MAOA: variants seen among roughly 807,000 people sequenced by gnomAD.
MAOA encodes the protein amine oxidase [flavin-containing] A.
A neutral mutation model predicts 42.0 loss-of-function variants in MAOA; 6 were observed. That is an observed-to-expected ratio of 0.14 (90% CI 0.08 to 0.28). MAOA has a LOEUF of 0.28. Among genes scored for constraint, MAOA ranks in the 10% least tolerant of loss-of-function variants. The pLI, the probability that MAOA is intolerant of heterozygous loss-of-function variation, is 1.00. For synonymous variants in MAOA, 140 were observed against 154.0 expected (o/e 0.91, Z 0.67); for missense variants, 262 against 422.3 (o/e 0.62, Z 3.33).
intron 1 of MAOA, among the ~76,000 whole-genome samples, chrX:43,680,633 G>C (rs759687148): frequency 2.7e-5 from 3 of 110,669 alleles, no homozygotes; most frequent in African/African-American, 9.9e-5. Context: ...TCAAGAGTCA[G>C]ATAACATTTG....
intron 1 of MAOA, among the ~76,000 whole-genome samples, chrX:43,676,064 A>G (rs2033392447): frequency 8.9e-6 from 1 of 112,470 alleles, no homozygotes; most frequent in African/African-American, 3.2e-5. Context: ...CTACAGAGGC[A>G]GGCAGGCCTC....
At chrX:43,722,220 T>C (rs1365257105) in intron 5 of MAOA, among the ~76,000 whole-genome samples, 1 of 112,396 alleles carries the variant, frequency 8.9e-6, no homozygotes, top group Non-Finnish European at 1.9e-5. Context: ...ATGGGATTAC[T>C]GTGTCAAATG....
At chrX:43,721,179 G>A (rs1217005684) in intron 5 of MAOA, among the ~76,000 whole-genome samples, 3 of 111,166 alleles carry the variant, frequency 2.7e-5, no homozygotes, top group Admixed American at 1.9e-4. Flanking sequence ...AGTTCTCAGG[G>A]GAATGGGGAG....
In MAOA at chrX:43,712,810, A is replaced by T. The variant is rs1331612926; in HGVS notation, c.503+14A>T. The T allele has an allele frequency of 1.8e-6, 2 of 1,135,667 alleles. No homozygotes were observed. The highest frequency in any genetic ancestry group is 2.4e-6 in the Non-Finnish European group (2 of 826,968). The allele number at this position is 1,135,667 out of a possible 1,213,427, so 93.6% of individuals were successfully genotyped here. A position where few individuals can be genotyped will look rare whatever the true frequency, so the allele number is the denominator to read the frequency against. On this transcript the variant is annotated intron_variant, in intron 5 of 14. Transcript: ENST00000338702. ...CTGCTGGACAAAGTAAGTAGACTTG[A>T]CCATTCAAAATTTACTTTTTATCTT...
intron 11 of MAOA, 134 bp from the exon 12 acceptor site, chrX:43,741,816 C>T (rs913384229): frequency 9.1e-7 from 1 of 1,102,129 alleles, no homozygotes. Flanking sequence ...TCATGTTTCC[C>T]CTTAAGTGAG....
intron 9 of MAOA, among the ~76,000 whole-genome samples, chrX:43,733,965 G>A (rs1225332378): frequency 9.0e-6 from 1 of 111,463 alleles, no homozygotes; most frequent in African/African-American, 3.3e-5. Context: ...AGGTTGTTTG[G>A]GTAGTTTGAC....
intron 6 of MAOA, among the ~76,000 whole-genome samples, chrX:43,728,860 T>C (rs2033859398): frequency 8.8e-6 from 1 of 113,205 alleles, no homozygotes; most frequent in Non-Finnish European, 1.9e-5. Context: ...TCCATATCAT[T>C]TCCTTTATTA....
intron 1 of MAOA, among the ~76,000 whole-genome samples, chrX:43,658,411 A>G (rs978867848): frequency 9.0e-6 from 1 of 111,618 alleles, no homozygotes; most frequent in African/African-American, 3.3e-5. Context: ...TTTATGCTTT[A>G]TGGCCTTATA....
chrX:43,728,010 C>T (rs2033853104), intron 5 of MAOA, among the ~76,000 whole-genome samples, 163 bp from the exon 6 acceptor site: 1 of 111,855 alleles, frequency 8.9e-6, no homozygotes, highest in Non-Finnish European at 1.9e-5. Flanking sequence ...TTAGTTTCTC[C>T]AAGAGTTAAA....
rs184598945 is a variant in MAOA, at chrX:43,666,054, A to T, written c.73+9640A>T. On this transcript the variant is annotated intron_variant, in intron 1 of 14. Transcript: ENST00000338702. ...AATGTTTCTTAGTTGCTTGAGATAA[A>T]TATATTCTAGGTAGCATTAGAAACT... 2.1e-3 allele frequency among the ~76,000 whole-genome samples: 234 copies of T among 111,997 alleles called. 1 individual carries two copies. The highest frequency in any genetic ancestry group is 3.4e-3 in the Non-Finnish European group (181 of 53,151).
chrX:43,728,035 A>T, intron 5 of MAOA, 138 bp from the exon 6 acceptor site: 1 of 611,749 alleles, frequency 1.6e-6, no homozygotes. Flanking sequence ...GCATTCCTTC[A>T]GAAATTGAAT....
chrX:43,700,369 C>T (rs1260465496), intron 3 of MAOA, among the ~76,000 whole-genome samples: 1 of 112,323 alleles, frequency 8.9e-6, no homozygotes, highest in Non-Finnish European at 1.9e-5. Context: ...TTTATCCCAA[C>T]AGGCTCTGAA....
chrX:43,701,636 A>G (rs2033625684), intron 3 of MAOA, among the ~76,000 whole-genome samples: 1 of 111,402 alleles, frequency 9.0e-6, no homozygotes, highest in South Asian at 3.8e-4. Context: ...TCACCCTCCC[A>G]CTGGCAGCAC....
chrX:43,712,006 C>T, intron 4 of MAOA, 30 bp downstream of exon 4: 1 of 996,935 alleles, frequency 1.0e-6, no homozygotes, highest in Non-Finnish European at 1.4e-6. Context: ...TGCACATGAC[C>T]CATTACTGAA....
Position 43,731,794 on chromosome X carries a change from C to A in MAOA, c.896C>A (p.Pro299Gln). The A allele has an allele frequency of 8.3e-7, 1 of 1,208,680 alleles. No individual in the cohort carries two copies. Among genetic ancestry groups the A allele is most frequent in the Non-Finnish European group, 1.1e-6 (1 of 892,701 alleles). ...AERNQLIQRL[P>Q]MGAVIKCMMY... The stretch of plus-strand genomic sequence containing the variant: ...AGAAACCAGTTAATTCAGCGGCTTC[C>A]AATGGGAGCTGTCATTAAGTGCATG... Residue 299 changes from proline (P) to glutamine (Q), a missense_variant, in exon 8 of 15, where the codon CCA becomes CAA. Pro to Gln is a moderately conservative substitution (Grantham distance 76). Coordinates refer to ENST00000338702, the MANE Select transcript of MAOA (RefSeq NM_000240.4).
chrX:43,683,708 C>T (rs988884362), intron 2 of MAOA, 101 bp downstream of exon 2: 13 of 678,880 alleles, frequency 1.9e-5, no homozygotes, highest in African/African-American at 6.5e-5. Flanking sequence ...AGAGTTCATG[C>T]AGTTAAGCCG....
chrX:43,709,239 C>T (rs1217684115), intron 3 of MAOA, among the ~76,000 whole-genome samples: 2 of 111,097 alleles, frequency 1.8e-5, no homozygotes, highest in Non-Finnish European at 3.8e-5. Context: ...CTCTTTACTT[C>T]TCCTGCCACC....
chrX:43,723,214 A>C (rs2033805604), intron 5 of MAOA, among the ~76,000 whole-genome samples: 1 of 111,505 alleles, frequency 9.0e-6, no homozygotes, highest in Non-Finnish European at 1.9e-5. Flanking sequence ...AGTTTTTTCC[A>C]ATTCTGTGAA....
In MAOA at chrX:43,744,496, C is replaced by A; in HGVS notation, c.1567C>A (p.Leu523Ile). The change falls in exon 15 of 15, where the codon CTC (leucine) becomes ATC (isoleucine). Residue 523 changes from leucine (L) to isoleucine (I), a missense_variant. Physicochemically the swap from Leu to Ile is conservative, Grantham distance 5 (BLOSUM62 2). Transcript: ENST00000338702. ...GGGGTTTGTGCTGTACAAATACAAG[C>A]TCCTGCCACGGTCTTGAAGTTCTGT... ...ALGFVLYKYK[L>I]LPRS 8.3e-7 allele frequency: 1 copy of A among 1,210,697 alleles called. No individual in the cohort carries two copies. Among genetic ancestry groups the A allele is most frequent in the Non-Finnish European group, 1.1e-6 (1 of 894,800 alleles).
Sources: gnomAD v4.1 joint callset for allele counts (sites outside exome capture counted in the v4.1 genomes callset) on GRCh38, gnomAD v4.1.1 for gene constraint, MANE v1.5 for transcripts, NCBI Gene and HGNC (gene_info 2026-07-23, HGNC 2026-07-21) for gene names.